The following SLC2A13 variants were observed in gnomAD, a reference collection of about 807,000 sequenced individuals.
The protein encoded by SLC2A13 is solute carrier family 2 member 13.
SLC2A13 carries 32 observed loss-of-function variants against 64.4 expected under a neutral mutation model. The ratio of observed to expected loss-of-function variants is 0.50; its 90% CI spans 0.37 to 0.67. The LOEUF (loss-of-function observed/expected upper bound fraction) is 0.67. Among genes scored for constraint, SLC2A13 ranks in the 30% least tolerant of loss-of-function variants. The probability of loss-of-function intolerance (pLI) is 0.00; values close to 1 mark genes in which losing one functional copy is unlikely to be tolerated. For synonymous variants in SLC2A13, 338 were observed against 327.1 expected (o/e 1.03, Z -0.36); for missense variants, 743 against 829.2 (o/e 0.90, Z 1.28).
intron 2 of SLC2A13, among the ~76,000 whole-genome samples, chr12:40,033,955 C>T (rs866602980): frequency 3.3e-5 from 5 of 152,282 alleles, no homozygotes; most frequent in Middle Eastern, 3.4e-3. Context: ...TGAACAACTG[C>T]ATCCCGCATT....
chr12:39,965,701 T>C (rs1327022356), intron 3 of SLC2A13, among the ~76,000 whole-genome samples: 1 of 152,152 alleles, frequency 6.6e-6, no homozygotes, highest in African/African-American at 2.4e-5. Flanking sequence ...CCTTTTAGGA[T>C]AGAGTACAAT....
intron 1 of SLC2A13, among the ~76,000 whole-genome samples, chr12:40,056,201 C>T (rs990211619): frequency 6.6e-6 from 1 of 151,264 alleles, no homozygotes; most frequent in Non-Finnish European, 1.5e-5. Flanking sequence ...GAATGGGAAG[C>T]CTGTAACTTT....
intron 6 of SLC2A13, 111 bp from the exon 7 acceptor site, chr12:39,830,339 G>T: frequency 1.4e-6 from 2 of 1,477,322 alleles, no homozygotes; most frequent in Non-Finnish European, 9.0e-7. Flanking sequence ...AGTAAGCTTG[G>T]GGCCTTGGGA....
chr12:39,970,950 C>T (rs750154513), intron 3 of SLC2A13, among the ~76,000 whole-genome samples: 6 of 152,064 alleles, frequency 3.9e-5, no homozygotes, highest in Non-Finnish European at 7.4e-5. Flanking sequence ...TTTTTCTTTC[C>T]GGTATGGCTG....
chr12:40,098,344 G>A (rs1489280218), intron 1 of SLC2A13, among the ~76,000 whole-genome samples: 2 of 152,194 alleles, frequency 1.3e-5, no homozygotes, highest in African/African-American at 4.8e-5. Flanking sequence ...AGGGAAGAGA[G>A]GCTGGGGAAT....
intron 3 of SLC2A13, among the ~76,000 whole-genome samples, chr12:39,996,686 G>T (rs544512856): frequency 6.6e-6 from 1 of 152,216 alleles, no homozygotes; most frequent in African/African-American, 2.4e-5. Flanking sequence ...AGTTCGGGCC[G>T]TGGCTTCAGA....
intron 3 of SLC2A13, among the ~76,000 whole-genome samples, chr12:39,994,956 A>AT (rs1243283446): frequency 1.3e-5 from 2 of 152,350 alleles, no homozygotes; most frequent in Non-Finnish European, 2.9e-5. Flanking sequence ...AAACATCAAA[A>AT]TTAAGCCAAC....
rs1944064841 is a variant in SLC2A13 at position 39,871,858 on chromosome 12, C to T, written c.1138G>A (p.Val380Met). 1 of 1,612,678 alleles carries T rather than the reference C, an allele frequency of 6.2e-7. No homozygotes were observed. Among genetic ancestry groups the T allele is most frequent in the African/African-American group, 1.3e-5 (1 of 74,844 alleles). The change falls in exon 5 of 10, where the codon GTG becomes ATG. Residue 380 changes from valine to methionine, a missense_variant. By Grantham distance (21) the Val-to-Met change is conservative. Transcript: ENST00000280871. ...ACCTTCTCAACAAGCCAGACTCCCA[C>T]AAGTGTGAAAATGAAATTTGTGAAG... ...TAFTNFIFTL[V>M]GVWLVEKVGR... is the part of the protein sequence containing the mutation.
At chr12:40,023,908 A>G (rs1947762334) in intron 3 of SLC2A13, among the ~76,000 whole-genome samples, 1 of 152,246 alleles carries the variant, frequency 6.6e-6, no homozygotes, top group Non-Finnish European at 1.5e-5. Flanking sequence ...TAAAACAGTT[A>G]TATTATAGAA....
intron 6 of SLC2A13, among the ~76,000 whole-genome samples, chr12:39,845,695 G>A (rs1795267105): frequency 6.6e-6 from 1 of 152,108 alleles, no homozygotes; most frequent in South Asian, 2.1e-4. Context: ...ATAGCATCAT[G>A]TCCTCTGATG....
At chr12:40,024,137 T>C (rs1466531067) in intron 3 of SLC2A13, among the ~76,000 whole-genome samples, 1 of 152,198 alleles carries the variant, frequency 6.6e-6, no homozygotes, top group East Asian at 1.9e-4. Context: ...AGGCCATGAC[T>C]CTATTACACA....
intron 1 of SLC2A13, among the ~76,000 whole-genome samples, chr12:40,051,200 A>G (rs1352932204): frequency 1.3e-5 from 2 of 152,228 alleles, no homozygotes; most frequent in African/African-American, 2.4e-5. Context: ...ACTGGATTCT[A>G]CTGTGGCAAG....
At position 40,039,723 on chromosome 12, in the gene SLC2A13, T is replaced by C. The variant is rs1410394379; in HGVS notation, c.716+8328A>G. On this transcript the variant is annotated intron_variant, in intron 2 of 9. Coordinates refer to ENST00000280871, the MANE Select transcript of SLC2A13 (RefSeq NM_052885.4). ...GAAGGTACAGAGATCTCCCACACACTTCCTGCCCACGTATGCATAGCCTCC... is the reference window on the plus strand; with the variant it reads ...GAAGGTACAGAGATCTCCCACACACCTCCTGCCCACGTATGCATAGCCTCC... 3.3e-5 allele frequency among the ~76,000 whole-genome samples: 5 copies of C among 152,202 alleles called. No homozygotes were observed. In the East Asian group the frequency reaches 9.6e-4, roughly 29 times the overall value.
At chr12:39,902,093 CA>C (rs1171727581) in intron 4 of SLC2A13, among the ~76,000 whole-genome samples, 2 of 148,752 alleles carry the variant, frequency 1.3e-5, no homozygotes, top group Non-Finnish European at 3.0e-5. Flanking sequence ...ATCGCAAGGA[CA>C]AAAAACCAAA....
At chr12:40,090,183 G>A (rs6581504) in intron 1 of SLC2A13, among the ~76,000 whole-genome samples, 53,694 of 151,932 alleles carry the variant, frequency 0.35, 9,668 homozygotes, top group Non-Finnish European at 0.39. Flanking sequence ...AAAGAGATTA[G>A]TTTAATAAGG....
At chr12:40,076,466 A>T (rs753693051) in intron 1 of SLC2A13, among the ~76,000 whole-genome samples, 1 of 152,154 alleles carries the variant, frequency 6.6e-6, no homozygotes, top group Non-Finnish European at 1.5e-5. Flanking sequence ...AGCAGCATCC[A>T]TGTTGCTGGA....
At chr12:40,063,041 A>G (rs9804954) in intron 1 of SLC2A13, among the ~76,000 whole-genome samples, 2,083 of 152,242 alleles carry the variant, frequency 0.014, 47 homozygotes, top group African/African-American at 0.046. Context: ...ATCTATTTTT[A>G]CAAGTTATTT....
At chr12:39,871,479 A>C (rs548458761) in intron 5 of SLC2A13, among the ~76,000 whole-genome samples, 6 of 105,432 alleles carry the variant, frequency 5.7e-5, no homozygotes, top group African/African-American at 8.5e-5. Context: ...TTTTCAAAAA[A>C]GGATAGAAAA....
chr12:39,787,497 C>T (rs1030793315), intron 7 of SLC2A13, among the ~76,000 whole-genome samples: 1 of 152,002 alleles, frequency 6.6e-6, no homozygotes, highest in Non-Finnish European at 1.5e-5. Context: ...TTATTTTTTT[C>T]CTTCAGTTCA....
Sources: gnomAD v4.1 joint callset for allele counts (sites outside exome capture counted in the v4.1 genomes callset) on GRCh38, gnomAD v4.1.1 for gene constraint, MANE v1.5 for transcripts, NCBI Gene and HGNC (gene_info 2026-07-23, HGNC 2026-07-21) for gene names.